The following VAMP3 variants were observed in gnomAD, a reference collection of about 807,000 sequenced individuals.
The protein encoded by VAMP3 is vesicle associated membrane protein 3.
A neutral mutation model predicts 18.1 loss-of-function variants in VAMP3; 11 were observed. The ratio of observed to expected loss-of-function variants is 0.61; its 90% CI spans 0.38 to 1.00. VAMP3 has a LOEUF of 1.00. Ranked by LOEUF, VAMP3 falls within the 50% of genes least tolerant of loss-of-function variation. VAMP3 has a pLI of 0.01. For missense variants in VAMP3, 122 were observed against 127.3 expected, an observed-to-expected ratio of 0.96 and a Z score of 0.20; for synonymous variants, 49 against 43.1, an observed-to-expected ratio of 1.14 and a Z score of -0.53.
chr1:7,778,786 G>T (rs1418284472), intron 4 of VAMP3, among the ~76,000 whole-genome samples: 1 of 152,180 alleles, frequency 6.6e-6, no homozygotes, highest in Non-Finnish European at 1.5e-5. Context: ...CAGCTGTATG[G>T]CCGTGGACAA....
chr1:7,778,089 A>G (rs771682715), intron 3 of VAMP3, 29 bp from the exon 4 acceptor site: 1 of 1,612,704 alleles, frequency 6.2e-7, no homozygotes, highest in South Asian at 1.1e-5. Context: ...TGCATTTGAA[A>G]TGTGATATGG....
At chr1:7,775,714 TTTG>T (rs1298707413) in intron 2 of VAMP3, among the ~76,000 whole-genome samples, 1 of 152,204 alleles carries the variant, frequency 6.6e-6, no homozygotes, top group Non-Finnish European at 1.5e-5. Flanking sequence ...TGTTTTTCCT[TTTG>T]TTGTTCTTGA....
intron 1 of VAMP3, among the ~76,000 whole-genome samples, chr1:7,772,000 G>T (rs1264347149): frequency 6.6e-6 from 1 of 152,222 alleles, no homozygotes. Flanking sequence ...ACCGTCGGAG[G>T]AAGCCCCGGG....
chr1:7,774,193 AAC>A (rs2097052951), intron 2 of VAMP3, among the ~76,000 whole-genome samples: 1 of 152,232 alleles, frequency 6.6e-6, no homozygotes, highest in African/African-American at 2.4e-5. Flanking sequence ...GCCCTGAAAA[AAC>A]AGTTAAAGTT....
intron 2 of VAMP3, among the ~76,000 whole-genome samples, chr1:7,774,798 C>T (rs1773157): frequency 0.89 from 136,149 of 152,312 alleles, 60,983 homozygotes; most frequent in African/African-American, 0.95. Flanking sequence ...GTTGAGCCAT[C>T]CATTTGTTAA....
rs181652596 is a variant in VAMP3, at chr1:7,781,134, T to G, written c.*1489T>G. 3.9e-5 allele frequency: 6 copies of G among 152,930 alleles called. No individual in the cohort carries two copies. The highest frequency in any genetic ancestry group is 1.4e-4 in the African/African-American group (6 of 41,582). 9.5% of individuals were successfully genotyped at this position (152,930 alleles called of 1,614,324 possible). On this transcript the variant is annotated 3_prime_UTR_variant, in exon 5 of 5. Coordinates refer to ENST00000054666, the MANE Select transcript of VAMP3 (RefSeq NM_004781.4). The stretch of plus-strand genomic sequence containing the variant: ...GGCGCACCAGGACACAGCTTCCATT[T>G]CTTTAACGTCTGTTCCCTTAACATC...
At chr1:7,775,655 T>C (rs1447497644) in intron 2 of VAMP3, among the ~76,000 whole-genome samples, 1 of 152,256 alleles carries the variant, frequency 6.6e-6, no homozygotes, top group Non-Finnish European at 1.5e-5. Context: ...GGCCTGATAA[T>C]GTTCTTTGAT....
chr1:7,771,312 T>A lies in VAMP3; in HGVS notation c.-72T>A. 4 of 1,563,894 alleles carry A rather than the reference T, an allele frequency of 2.6e-6. No individual in the cohort carries two copies. Among genetic ancestry groups the A allele is most frequent in the Non-Finnish European group, 3.5e-6 (4 of 1,155,382 alleles). ...CGCCGCGCCGTCCCACCCATCTCCCTGGCCTCCGGTCCCAACTTCGCTTCT... is the reference window on the plus strand; with the variant it reads ...CGCCGCGCCGTCCCACCCATCTCCCAGGCCTCCGGTCCCAACTTCGCTTCT... On this transcript the variant is annotated 5_prime_UTR_variant, in exon 1 of 5. Transcript: ENST00000054666.
intron 4 of VAMP3, among the ~76,000 whole-genome samples, 154 bp downstream of exon 4, chr1:7,778,323 G>A (rs2097055346): frequency 6.6e-6 from 1 of 152,146 alleles, no homozygotes; most frequent in Non-Finnish European, 1.5e-5. Flanking sequence ...AAAGCTTTGG[G>A]AGGCCAGGAG....
chr1:7,778,871 T>G (rs1372156109), intron 4 of VAMP3, among the ~76,000 whole-genome samples: 3 of 152,174 alleles, frequency 2.0e-5, no homozygotes, highest in Admixed American at 6.5e-5. Context: ...CTTGTTTGTT[T>G]GTTTGTTTGT....
intron 4 of VAMP3, among the ~76,000 whole-genome samples, chr1:7,779,306 A>C (rs964068774): frequency 6.6e-6 from 1 of 152,212 alleles, no homozygotes. Flanking sequence ...ACACACACAC[A>C]ACTATTATTA....
chr1:7,777,071 A>C lies in VAMP3; in HGVS notation c.73-89A>C. 2.1e-6 allele frequency: 3 copies of C among 1,450,488 alleles called. No homozygotes were observed. In the South Asian group the frequency reaches 4.7e-5, roughly 23 times the overall value. 89.9% of individuals were successfully genotyped at this position (1,450,488 alleles called of 1,614,324 possible). On this transcript the variant is annotated intron_variant, in intron 2 of 4. Coordinates refer to ENST00000054666, the MANE Select transcript of VAMP3 (RefSeq NM_004781.4). ...GGTGATCCACCCACCTCGGCCTCCC[A>C]AAGTGCTAGGATTACAGGCGTGAGC...
At chr1:7,772,155 T>C (rs776490285) in intron 1 of VAMP3, among the ~76,000 whole-genome samples, 1 of 152,222 alleles carries the variant, frequency 6.6e-6, no homozygotes, top group Non-Finnish European at 1.5e-5. Flanking sequence ...GTTGACTCTC[T>C]AAACCTCACT....
At chr1:7,778,003 G>T in intron 3 of VAMP3, 115 bp from the exon 4 acceptor site, 1 of 1,117,094 alleles carries the variant, frequency 9.0e-7, no homozygotes, top group Non-Finnish European at 1.3e-6. Flanking sequence ...AATTACTCCA[G>T]ACTGTATGCA....
chr1:7,771,620 G>A (rs2097050905), intron 1 of VAMP3, among the ~76,000 whole-genome samples: 1 of 152,182 alleles, frequency 6.6e-6, no homozygotes, highest in African/African-American at 2.4e-5. Context: ...GCGGCGAGAC[G>A]CTTCCCGGAG....
At chr1:7,773,353 C>A in intron 1 of VAMP3, 89 bp from the exon 2 acceptor site, 1 of 1,033,608 alleles carries the variant, frequency 9.7e-7, no homozygotes, top group Non-Finnish European at 1.5e-6. Context: ...AGATTGTTAA[C>A]AGTGAGAGTC....
intron 2 of VAMP3, among the ~76,000 whole-genome samples, chr1:7,775,438 C>T (rs2097053859): frequency 6.6e-6 from 1 of 152,002 alleles, no homozygotes; most frequent in South Asian, 2.1e-4. Context: ...GCCTCCAAGC[C>T]CCAGGTTCAA....
chr1:7,775,954 C>G (rs2097054114), intron 2 of VAMP3, among the ~76,000 whole-genome samples: 1 of 152,210 alleles, frequency 6.6e-6, no homozygotes, highest in African/African-American at 2.4e-5. Flanking sequence ...GGCCTTCGCA[C>G]TCTTGTCAAA....
At chr1:7,778,075 T>A in intron 3 of VAMP3, 43 bp from the exon 4 acceptor site, 1 of 1,603,732 alleles carries the variant, frequency 6.2e-7, no homozygotes, top group Non-Finnish European at 8.5e-7. Flanking sequence ...AAGCACATTA[T>A]GTCTGCATTT....
Sources: gnomAD v4.1 joint callset for allele counts (sites outside exome capture counted in the v4.1 genomes callset) on GRCh38, gnomAD v4.1.1 for gene constraint, MANE v1.5 for transcripts, NCBI Gene and HGNC (gene_info 2026-07-23, HGNC 2026-07-21) for gene names.